Variants in LIMS4 observed in about 807,000 individuals in gnomAD.
The protein encoded by LIMS4 is LIM zinc finger domain containing 4, also known as LIM and senescent cell antigen-like-containing domain protein 4.
At chr2:110,382,376 G>A in the LIMS4 span, among the ~76,000 whole-genome samples, 1 of 44,106 alleles carries the variant, frequency 2.3e-5, no homozygotes, top group South Asian at 7.4e-4. Context: ...ATAACAATAA[G>A]TGTTTGTGAG....
chr2:110,396,263 G>C, the LIMS4 span, among the ~76,000 whole-genome samples: 1 of 35,018 alleles, frequency 2.9e-5, no homozygotes, highest in Non-Finnish European at 5.5e-5. Context: ...AAGTGCTCGT[G>C]TCCCAAGGGC....
chr2:110,373,026 GAAAGA>G, the LIMS4 span, among the ~76,000 whole-genome samples: 1 of 126,836 alleles, frequency 7.9e-6, no homozygotes, highest in East Asian at 2.0e-4. Context: ...GACAGGAAAA[GAAAGA>G]ACAAAAGAGC....
the LIMS4 span, among the ~76,000 whole-genome samples, chr2:110,367,171 A>G: frequency 6.6e-6 from 1 of 150,658 alleles, no homozygotes; most frequent in Non-Finnish European, 1.5e-5. Flanking sequence ...TCTAGATTCA[A>G]TGTTATTCCT....
chr2:110,411,548 C>G, the LIMS4 span, among the ~76,000 whole-genome samples: 1 of 129,976 alleles, frequency 7.7e-6, no homozygotes, highest in Non-Finnish European at 1.5e-5. Flanking sequence ...AGTGAGGCCA[C>G]TTGTCCACAA....
intron 8 of LIMS4, among the ~76,000 whole-genome samples, chr2:110,448,404 ATGG>A (rs1467851437): frequency 7.0e-6 from 1 of 143,364 alleles, no homozygotes; most frequent in African/African-American, 2.6e-5. Flanking sequence ...CTGGAGTGCA[ATGG>A]TGTGATGTTG....
At chr2:110,361,391 TC>T in the LIMS4 span, 88 of 725,974 alleles carry the variant, frequency 1.2e-4, 1 homozygote, top group Non-Finnish European at 1.9e-4. Context: ...TATGTACACA[TC>T]TCTCTGCATG....
the LIMS4 span, among the ~76,000 whole-genome samples, chr2:110,368,126 G>A: frequency 6.9e-6 from 1 of 145,814 alleles, no homozygotes; most frequent in African/African-American, 2.6e-5. Context: ...AACAAATAAG[G>A]CAGAAGCAAC....
chr2:110,425,856 T>C, the LIMS4 span, among the ~76,000 whole-genome samples: 3 of 132,926 alleles, frequency 2.3e-5, no homozygotes, highest in South Asian at 4.6e-4. Flanking sequence ...TGTGGCAATG[T>C]GTTATGCAGC....
chr2:110,395,909 G>T, the LIMS4 span, among the ~76,000 whole-genome samples: 19 of 139,370 alleles, frequency 1.4e-4, 1 homozygote, highest in Admixed American at 1.4e-3. Context: ...TGGGCAAAGA[G>T]CTATAAAACC....
At chr2:110,396,025 T>C in the LIMS4 span, among the ~76,000 whole-genome samples, 1 of 138,946 alleles carries the variant, frequency 7.2e-6, no homozygotes, top group Admixed American at 7.2e-5. Context: ...TCAACCCACA[T>C]GCTTCAGATG....
chr2:110,361,142 A>G, the LIMS4 span: 1 of 961,630 alleles, frequency 1.0e-6, no homozygotes, highest in African/African-American at 1.9e-5. Context: ...GGCGTCTATC[A>G]TTTCTTTCAG....
chr2:110,397,716 G>A, the LIMS4 span, among the ~76,000 whole-genome samples: 1 of 31,800 alleles, frequency 3.1e-5, no homozygotes, highest in Non-Finnish European at 7.0e-5. Context: ...ATGCTGAACA[G>A]CTTGCTTCAC....
chr2:110,371,247 A>G, the LIMS4 span, among the ~76,000 whole-genome samples: 3 of 128,288 alleles, frequency 2.3e-5, no homozygotes, highest in African/African-American at 1.1e-4. Flanking sequence ...GAAAAAAAAA[A>G]AAAAAAAACA....
chr2:110,396,054 G>C, the LIMS4 span, among the ~76,000 whole-genome samples: 7 of 134,796 alleles, frequency 5.2e-5, no homozygotes, highest in South Asian at 4.9e-4. Context: ...CGTAGCTAGA[G>C]AGCACAGGTA....
At chr2:110,425,013 T>G in the LIMS4 span, among the ~76,000 whole-genome samples, 1 of 143,702 alleles carries the variant, frequency 7.0e-6, no homozygotes, top group Non-Finnish European at 1.5e-5. Flanking sequence ...CCCGGTCAGC[T>G]TTGCGGAAGC....
chr2:110,386,714 C>A, the LIMS4 span: 1 of 834,878 alleles, frequency 1.2e-6, no homozygotes, highest in South Asian at 1.5e-5. Context: ...AGGAGCGTGG[C>A]TGCTGGGCTT....
At chr2:110,422,383 T>C in the LIMS4 span, among the ~76,000 whole-genome samples, 149 of 49,580 alleles carry the variant, frequency 3.0e-3, no homozygotes, top group Non-Finnish European at 3.6e-3. Context: ...GTAGAATGCA[T>C]CTGTTGGATG....
the LIMS4 span, among the ~76,000 whole-genome samples, chr2:110,390,278 C>T: frequency 7.0e-6 from 1 of 142,714 alleles, no homozygotes; most frequent in Non-Finnish European, 1.5e-5. Context: ...GACCACGCAT[C>T]CTGGACAAGG....
the LIMS4 span, among the ~76,000 whole-genome samples, chr2:110,365,880 G>A: frequency 6.8e-6 from 1 of 147,302 alleles, no homozygotes; most frequent in Admixed American, 6.7e-5. Context: ...CAAAAACTCT[G>A]AGACCATTAT....
Sources: gnomAD v4.1 joint callset for allele counts (sites outside exome capture counted in the v4.1 genomes callset) on GRCh38, gnomAD v4.1.1 for gene constraint, MANE v1.5 for transcripts, NCBI Gene and HGNC (gene_info 2026-07-23, HGNC 2026-07-21) for gene names.